USH2A: variants seen among roughly 807,000 people sequenced by gnomAD.
The protein encoded by USH2A is Usher syndrome 2A (autosomal recessive, mild).
In USH2A, 443 loss-of-function variants were observed where a neutral mutation model predicts 538.9. The observed-to-expected ratio is 0.82, with a 90% CI of 0.76 to 0.89. The LOEUF (loss-of-function observed/expected upper bound fraction) is 0.89, where lower values mean the gene tolerates loss of function less well. Ranked by LOEUF, USH2A falls within the 40% of genes least tolerant of loss-of-function variation. USH2A has a pLI of 0.00. For missense variants in USH2A, 6,633 were observed against 6,324.8 expected (o/e 1.05, Z -1.65); for synonymous variants, 2,413 against 2,273.5 (o/e 1.06, Z -1.75).
At chr1:215,830,744 A>G (rs1308854986) in intron 47 of USH2A, among the ~76,000 whole-genome samples, 1 of 152,230 alleles carries the variant, frequency 6.6e-6, no homozygotes, top group Admixed American at 6.5e-5. Context: ...AGATTTTGAG[A>G]TCAGAACTAT....
chr1:215,838,373 C>A (rs1663587771), intron 46 of USH2A, among the ~76,000 whole-genome samples: 1 of 152,108 alleles, frequency 6.6e-6, no homozygotes, highest in South Asian at 2.1e-4. Flanking sequence ...GAGAAAGATA[C>A]ATTAATCTAC....
chr1:215,664,449 A>G (rs1455259215), intron 64 of USH2A, among the ~76,000 whole-genome samples: 1 of 152,204 alleles, frequency 6.6e-6, no homozygotes, highest in Non-Finnish European at 1.5e-5. Flanking sequence ...AAAGCTAAAT[A>G]CCATTAGAAA....
In USH2A at chr1:215,915,953, C is replaced by T. The variant is rs1207162502; in HGVS notation, c.7301-15048G>A. ...ATCACAACAACAAAAAACCAAACACCGCATATTCTCACTCATAGGTGGGAA... is the reference window on the plus strand; with the variant it reads ...ATCACAACAACAAAAAACCAAACACTGCATATTCTCACTCATAGGTGGGAA... On this transcript the variant is annotated intron_variant, in intron 38 of 71. Transcript: ENST00000307340. Among the ~76,000 whole-genome samples, 6 of 148,580 alleles carry T rather than the reference C, an allele frequency of 4.0e-5. No individual in the cohort carries two copies. The Admixed American group carries it at 4.1e-4, about 10-fold the overall frequency.
chr1:216,251,969 C>T (rs1315566032), intron 11 of USH2A, among the ~76,000 whole-genome samples: 5 of 152,058 alleles, frequency 3.3e-5, no homozygotes, highest in African/African-American at 1.2e-4. Context: ...ACTATTTCAG[C>T]CTATTTATGA....
intron 11 of USH2A, among the ~76,000 whole-genome samples, chr1:216,268,340 T>C (rs2036513997): frequency 6.6e-6 from 1 of 152,120 alleles, no homozygotes; most frequent in Non-Finnish European, 1.5e-5. Context: ...AGTCTTCACG[T>C]ATTTATCAAT....
At chr1:215,643,454 C>A (rs1157704729) in intron 67 of USH2A, among the ~76,000 whole-genome samples, 3 of 152,080 alleles carry the variant, frequency 2.0e-5, no homozygotes, top group African/African-American at 7.2e-5. Flanking sequence ...ATTAAGGGAA[C>A]CTCTTCTCCT....
chr1:216,372,137 TA>T (rs2102719326), intron 3 of USH2A, among the ~76,000 whole-genome samples: 1 of 152,362 alleles, frequency 6.6e-6, no homozygotes, highest in South Asian at 2.1e-4. Flanking sequence ...TTTGACTGAA[TA>T]ACTGCTTAAA....
chr1:216,167,486 T>C (rs950140103), intron 21 of USH2A, among the ~76,000 whole-genome samples: 2 of 152,056 alleles, frequency 1.3e-5, no homozygotes, highest in African/African-American at 4.8e-5. Flanking sequence ...AACACTTAAC[T>C]GGCAAGGAAA....
intron 47 of USH2A, among the ~76,000 whole-genome samples, chr1:215,831,698 C>A (rs2364866): frequency 6.6e-6 from 1 of 151,210 alleles, no homozygotes; most frequent in Non-Finnish European, 1.5e-5. Context: ...AGCTTCATAC[C>A]GAAGCAGGAC....
chr1:216,395,090 G>C (rs1242745111), intron 3 of USH2A, among the ~76,000 whole-genome samples: 1 of 152,092 alleles, frequency 6.6e-6, no homozygotes, highest in East Asian at 1.9e-4. Flanking sequence ...ACACTGTTGA[G>C]ACTTCTGTCA....
intron 37 of USH2A, among the ~76,000 whole-genome samples, chr1:215,946,868 T>C (rs1168218053): frequency 6.6e-6 from 1 of 152,190 alleles, no homozygotes; most frequent in African/African-American, 2.4e-5. Context: ...TTATGACATC[T>C]AAATGCAGAC....
At chr1:215,968,404 C>G (rs952808257) in intron 36 of USH2A, among the ~76,000 whole-genome samples, 3 of 151,582 alleles carry the variant, frequency 2.0e-5, no homozygotes, top group Non-Finnish European at 4.4e-5. Context: ...CAGGGCAACT[C>G]CTTCTGAACC....
intron 47 of USH2A, among the ~76,000 whole-genome samples, chr1:215,824,534 G>T (rs1241001380): frequency 6.6e-6 from 1 of 152,052 alleles, no homozygotes; most frequent in Non-Finnish European, 1.5e-5. Flanking sequence ...TGGTGCCCAG[G>T]AAACCTGTGG....
chr1:215,970,530 G>T, intron 36 of USH2A, 95 bp downstream of exon 36: 1 of 1,492,600 alleles, frequency 6.7e-7, no homozygotes, highest in Non-Finnish European at 9.3e-7. Flanking sequence ...AAGGCTAGCT[G>T]TGCAGAGGGT....
At chr1:216,020,486 A>G (rs1461143846) in intron 32 of USH2A, among the ~76,000 whole-genome samples, 3 of 152,134 alleles carry the variant, frequency 2.0e-5, no homozygotes, top group Non-Finnish European at 2.9e-5. Context: ...GCCTGCAGTG[A>G]TATAAGAAGA....
chr1:215,779,379 A>T (rs1213540747), intron 55 of USH2A, among the ~76,000 whole-genome samples: 4 of 152,208 alleles, frequency 2.6e-5, no homozygotes, highest in Non-Finnish European at 5.9e-5. Context: ...ATTAATTAAC[A>T]TTCCTAATAG....
chr1:215,644,843 A>G (rs1656796655), intron 67 of USH2A, among the ~76,000 whole-genome samples: 1 of 152,172 alleles, frequency 6.6e-6, no homozygotes, highest in Non-Finnish European at 1.5e-5. Flanking sequence ...GCTGTCAGAG[A>G]GAGTAGAGTC....
chr1:215,693,116 G>GTGTGTGTGTATATATATA (rs112153911), intron 61 of USH2A, among the ~76,000 whole-genome samples: 6 of 133,508 alleles, frequency 4.5e-5, no homozygotes, highest in Non-Finnish European at 6.3e-5. Context: ...GTGTGTATGT[G>GTGTGTGTGTATATATATA]TATATATATA....
chr1:216,238,325 T>G (rs2035869442), intron 13 of USH2A, among the ~76,000 whole-genome samples: 2 of 152,160 alleles, frequency 1.3e-5, no homozygotes, highest in Non-Finnish European at 2.9e-5. Context: ...GGTCACTGGC[T>G]CGGGATGCGT....
Sources: gnomAD v4.1 joint callset for allele counts (sites outside exome capture counted in the v4.1 genomes callset) on GRCh38, gnomAD v4.1.1 for gene constraint, MANE v1.5 for transcripts, NCBI Gene and HGNC (gene_info 2026-07-23, HGNC 2026-07-21) for gene names.